The following RIMS1 variants were observed in gnomAD, a reference collection of about 807,000 sequenced individuals.
The protein encoded by RIMS1 is regulating synaptic membrane exocytosis 1.
Under a neutral mutation model 214.1 loss-of-function variants are expected in RIMS1, and 83 were observed. The ratio of observed to expected loss-of-function variants is 0.39; its 90% CI spans 0.32 to 0.47. The LOEUF (loss-of-function observed/expected upper bound fraction) is 0.47, where lower values mean the gene tolerates loss of function less well. Among genes scored for constraint, RIMS1 ranks in the 20% least tolerant of loss-of-function variants. The pLI, the probability that RIMS1 is intolerant of heterozygous loss-of-function variation, is 0.99. For synonymous variants in RIMS1, 793 were observed against 786.8 expected (o/e 1.01, Z -0.13); for missense variants, 2,050 against 2,161.8 (o/e 0.95, Z 1.03).
chr6:72,141,010 T>C (rs533436382), intron 4 of RIMS1, among the ~76,000 whole-genome samples: 1 of 152,100 alleles, frequency 6.6e-6, no homozygotes, highest in South Asian at 2.1e-4. Context: ...AACTTGGTAA[T>C]TTACCCAGTT....
chr6:72,085,020 C>T (rs1436181608), intron 2 of RIMS1, among the ~76,000 whole-genome samples: 1 of 152,072 alleles, frequency 6.6e-6, no homozygotes. Flanking sequence ...TCAGCCACCT[C>T]TGAAAACACA....
intron 16 of RIMS1, among the ~76,000 whole-genome samples, chr6:72,256,217 T>G (rs1332181106): frequency 6.6e-6 from 1 of 152,092 alleles, no homozygotes; most frequent in East Asian, 1.9e-4. Flanking sequence ...TTAAGGTCAT[T>G]CACTATAGAG....
intron 4 of RIMS1, among the ~76,000 whole-genome samples, chr6:72,123,949 A>G (rs2038966037): frequency 6.6e-6 from 1 of 151,820 alleles, no homozygotes; most frequent in South Asian, 2.1e-4. Context: ...GTGTCTTTTA[A>G]TTGGAGCATT....
intron 6 of RIMS1, chr6:72,216,833 G>A: frequency 7.0e-6 from 7 of 1,002,664 alleles, no homozygotes; most frequent in Non-Finnish European, 8.3e-6. Flanking sequence ...CATTGTTTTA[G>A]GAAATGGTTA....
intron 2 of RIMS1, among the ~76,000 whole-genome samples, chr6:72,003,230 A>G (rs975938632): frequency 2.0e-5 from 3 of 152,140 alleles, no homozygotes; most frequent in African/African-American, 4.8e-5. Context: ...GTCAGATCTT[A>G]TGGCTCTTTT....
intron 4 of RIMS1, among the ~76,000 whole-genome samples, chr6:72,107,713 C>T (rs906486908): frequency 1.3e-5 from 2 of 152,086 alleles, no homozygotes; most frequent in Non-Finnish European, 2.9e-5. Context: ...TATGAGAAGA[C>T]ATTTACACAA....
At chr6:72,291,732 TG>T (rs1455415463) in intron 25 of RIMS1, among the ~76,000 whole-genome samples, 1 of 152,238 alleles carries the variant, frequency 6.6e-6, no homozygotes, top group African/African-American at 2.4e-5. Flanking sequence ...TAGAACTGTG[TG>T]TGGTGCACAT....
chr6:72,036,798 G>A (rs1009911998), intron 2 of RIMS1, among the ~76,000 whole-genome samples: 6 of 152,154 alleles, frequency 3.9e-5, no homozygotes, highest in Admixed American at 1.3e-4. Context: ...CATCTAAAGT[G>A]CAGAGCTGTT....
At position 71,886,931 on chromosome 6, in the gene RIMS1, C is replaced by T; in HGVS notation, c.-93C>T. On this transcript the variant is annotated 5_prime_UTR_variant, in exon 1 of 34. Coordinates refer to ENST00000521978, the MANE Select transcript of RIMS1 (RefSeq NM_014989.7). ...CCTCCTGCCGCCGCCGCTAGGGCTC[C>T]GCTGTGAGGGGGAAGCAGGGGCGCA... is the stretch of plus-strand genomic sequence containing the variant. 4 of 1,458,754 alleles carry T rather than the reference C, an allele frequency of 2.7e-6. 1 individual carries two copies. Among genetic ancestry groups the T allele is most frequent in the Middle Eastern group, 4.4e-4 (2 of 4,522 alleles). 90.4% of individuals were successfully genotyped at this position (1,458,754 alleles called of 1,614,324 possible).
At chr6:72,076,524 T>C (rs1831925392) in intron 2 of RIMS1, among the ~76,000 whole-genome samples, 1 of 152,156 alleles carries the variant, frequency 6.6e-6, no homozygotes, top group Non-Finnish European at 1.5e-5. Flanking sequence ...CACCTCCAAA[T>C]ATGACTCCTC....
intron 6 of RIMS1, chr6:72,216,904 G>C (rs1023174832): frequency 1.7e-6 from 2 of 1,210,470 alleles, no homozygotes; most frequent in Admixed American, 7.8e-5. Flanking sequence ...GTACAGCACA[G>C]AGCACTATAG....
chr6:71,922,886 AGT>A (rs1416370684), intron 1 of RIMS1, among the ~76,000 whole-genome samples: 1 of 152,222 alleles, frequency 6.6e-6, no homozygotes. Context: ...CAATAGGAGC[AGT>A]GACCAGACTC....
At chr6:72,361,757 A>G (rs946908883) in intron 29 of RIMS1, among the ~76,000 whole-genome samples, 3 of 152,214 alleles carry the variant, frequency 2.0e-5, no homozygotes, top group Non-Finnish European at 4.4e-5. Context: ...AGCAATGCTA[A>G]TGAAGTCTTT....
At chr6:72,254,235 G>A (rs767235472) in intron 16 of RIMS1, among the ~76,000 whole-genome samples, 1 of 152,140 alleles carries the variant, frequency 6.6e-6, no homozygotes, top group African/African-American at 2.4e-5. Context: ...ATCTAGTGCT[G>A]TGAAAATCTA....
At chr6:71,999,550 G>T (rs552439174) in intron 2 of RIMS1, among the ~76,000 whole-genome samples, 1 of 152,154 alleles carries the variant, frequency 6.6e-6, no homozygotes, top group South Asian at 2.1e-4. Flanking sequence ...AAATAAATTG[G>T]CAAGAATCCT....
At chr6:72,387,720 C>G (rs2098637521) in intron 29 of RIMS1, among the ~76,000 whole-genome samples, 1 of 152,140 alleles carries the variant, frequency 6.6e-6, no homozygotes, top group African/African-American at 2.4e-5. Context: ...CCATGTGACT[C>G]TTGGTAGGAG....
rs774156653 is a variant in RIMS1, at chr6:72,233,810, G to C, written c.1716G>C (p.Trp572Cys). ...LDYYWLDPATWHSRETSPISS... is the reference protein window; with the variant it reads ...LDYYWLDPATCHSRETSPISS... ...ATTACTGGTTGGATCCTGCCACGTG[G>C]CACAGCCGGGAGACATCACCTATTA... The change falls in exon 7 of 34, where the codon TGG becomes TGC. Residue 572 changes from tryptophan to cysteine, a missense_variant. Physicochemically the swap from Trp to Cys is radical, Grantham distance 215. Transcript: ENST00000521978. The C allele has an allele frequency of 1.9e-6, 3 of 1,581,232 alleles. No individual in the cohort carries two copies. The highest frequency in any genetic ancestry group is 2.6e-6 in the Non-Finnish European group (3 of 1,161,438).
chr6:71,931,047 GT>G (rs1310564706), intron 1 of RIMS1, among the ~76,000 whole-genome samples: 1 of 151,986 alleles, frequency 6.6e-6, no homozygotes, highest in Non-Finnish European at 1.5e-5. Context: ...TGTGTTCATA[GT>G]TTCATGTATT....
Position 72,251,331 on chromosome 6 carries a change from A to T in RIMS1, c.2661A>T (p.Arg887=), listed in dbSNP as rs1215110405. ...LPQPSPFMPR[R]HIHGESSSKK... is the part of the protein sequence containing the mutation. ...AGCCATCACCTTTCATGCCAAGGCG[A>T]CATATTCATGGAGAAAGCTCTAGCA... Residue 887 remains arginine, a synonymous_variant, in exon 15 of 34, where the codon CGA becomes CGT. Transcript: ENST00000521978. 1 of 1,599,854 alleles carries T rather than the reference A, an allele frequency of 6.3e-7. No homozygotes were observed. Among genetic ancestry groups the T allele is most frequent in the Admixed American group, 1.7e-5 (1 of 58,274 alleles).
Sources: allele counts gnomAD v4.1 joint callset (sites outside exome capture counted in the v4.1 genomes callset), GRCh38; gene constraint gnomAD v4.1.1; transcripts MANE v1.5; gene names NCBI Gene and HGNC (gene_info 2026-07-23, HGNC 2026-07-21).